Variants in TRIOBP observed in about 807,000 individuals in gnomAD.
TRIOBP encodes TRIO and F-actin-binding protein.
In TRIOBP, 169 loss-of-function variants were observed where a neutral mutation model predicts 238.8. That is an observed-to-expected ratio of 0.71 (90% CI 0.62 to 0.80). The LOEUF (loss-of-function observed/expected upper bound fraction) is 0.80. Among genes scored for constraint, TRIOBP ranks in the 30% least tolerant of loss-of-function variants. TRIOBP has a pLI of 0.00. For missense variants in TRIOBP, 2,838 were observed against 3,122.6 expected (o/e 0.91, Z 2.17); for synonymous variants, 1,150 against 1,274.4 (o/e 0.90, Z 2.08).
chr22:37,756,350 G>T (rs1277596395), intron 15 of TRIOBP, among the ~76,000 whole-genome samples: 1 of 152,208 alleles, frequency 6.6e-6, no homozygotes, highest in African/African-American at 2.4e-5. Context: ...CAGCTGAGGT[G>T]GGAGGATCAC....
At chr22:37,709,191 G>A (rs1274393074) in intron 3 of TRIOBP, among the ~76,000 whole-genome samples, 1 of 152,200 alleles carries the variant, frequency 6.6e-6, no homozygotes, top group Non-Finnish European at 1.5e-5. Flanking sequence ...CCTGACCCCA[G>A]CAGTGGCCTT....
chr22:37,759,040 C>T, intron 16 of TRIOBP, 114 bp from the exon 17 acceptor site: 4 of 886,716 alleles, frequency 4.5e-6, no homozygotes, highest in African/African-American at 1.7e-5. Context: ...CCTAAGCCTT[C>T]CAGGGACGCT....
intron 20 of TRIOBP, 27 bp downstream of exon 20, chr22:37,769,214 C>G (rs746657916): frequency 2.0e-5 from 32 of 1,591,786 alleles, no homozygotes; most frequent in Non-Finnish European, 2.7e-5. Context: ...GTTGGGGGGA[C>G]ACGGGTGGGT....
chr22:37,724,921 G>T lies in TRIOBP; in HGVS notation c.2365G>T (p.Asp789Tyr). 1 of 1,613,166 alleles carries T rather than the reference G, an allele frequency of 6.2e-7. No individual in the cohort carries two copies. Reference sequence around the variant, plus strand: ...CTCCTCTCCCAATAGAGCCACACGAGACAACCCCAGAACATCCTGTGCCCA... The same window carrying T: ...CTCCTCTCCCAATAGAGCCACACGATACAACCCCAGAACATCCTGTGCCCA... ...RTSSPNRATR[D>Y]NPRTSCAQRD... The change falls in exon 7 of 24, where the codon GAC (aspartate) becomes TAC (tyrosine). Residue 789 changes from aspartate (D) to tyrosine (Y), a missense_variant. Transcript: ENST00000644935.
chr22:37,760,497 G>A (rs1409912910), intron 17 of TRIOBP, among the ~76,000 whole-genome samples: 2 of 152,176 alleles, frequency 1.3e-5, no homozygotes, highest in Non-Finnish European at 2.9e-5. Flanking sequence ...CCAAGAGCAC[G>A]CATAATACAA....
chr22:37,706,528 C>T (rs886193988), intron 3 of TRIOBP, among the ~76,000 whole-genome samples: 9 of 152,084 alleles, frequency 5.9e-5, no homozygotes, highest in Admixed American at 3.3e-4. Flanking sequence ...CAATGGCTCC[C>T]GCCTGTGATC....
chr22:37,732,080 G>A (rs572881348), intron 7 of TRIOBP, among the ~76,000 whole-genome samples: 1 of 152,284 alleles, frequency 6.6e-6, no homozygotes, highest in South Asian at 2.1e-4. Flanking sequence ...CCAAAGACAT[G>A]GCTCCATTTG....
chr22:37,717,903 G>A (rs915021281), intron 6 of TRIOBP, among the ~76,000 whole-genome samples: 14 of 152,230 alleles, frequency 9.2e-5, no homozygotes, highest in Non-Finnish European at 1.8e-4. Context: ...GGCGCTCATC[G>A]GGGAGGCTCG....
At position 37,713,546 on chromosome 22, in the gene TRIOBP, T is replaced by G. The variant is rs565882231; in HGVS notation, c.456+135T>G. The G allele has an allele frequency of 2.2e-4, 255 of 1,181,778 alleles. 4 individuals carry two copies. The South Asian group carries it at 2.9e-3, about 14-fold the overall frequency. 73.2% of individuals were successfully genotyped at this position (1,181,778 alleles called of 1,614,324 possible). The stretch of plus-strand genomic sequence containing the variant: ...CGACGAGGTCCTCTGGACCATTAGC[T>G]GGCAGCTCGGGCCACCCCGGCGAAC... On this transcript the variant is annotated intron_variant, in intron 5 of 23. Transcript: ENST00000644935.
chr22:37,746,533 G>C, intron 11 of TRIOBP: 1 of 981,316 alleles, frequency 1.0e-6, no homozygotes, highest in Non-Finnish European at 1.3e-6. Flanking sequence ...CCGAAGGCGA[G>C]AGGAGGGCTG....
chr22:37,759,089 C>T, intron 16 of TRIOBP, 65 bp from the exon 17 acceptor site: 1 of 1,391,378 alleles, frequency 7.2e-7, no homozygotes, highest in Non-Finnish European at 1.0e-6. Context: ...CTGCGGGCTC[C>T]TCACTGCCTT....
chr22:37,738,021 G>T (rs1924755743), intron 9 of TRIOBP, among the ~76,000 whole-genome samples: 1 of 152,182 alleles, frequency 6.6e-6, no homozygotes, highest in Non-Finnish European at 1.5e-5. Flanking sequence ...CTCTAGCTCT[G>T]GCCCAGGGCC....
intron 7 of TRIOBP, among the ~76,000 whole-genome samples, chr22:37,726,899 T>G (rs1344448300): frequency 1.4e-5 from 2 of 143,258 alleles, no homozygotes; most frequent in African/African-American, 4.9e-5. Flanking sequence ...TGTCTTTTTA[T>G]TTTTTATTTT....
At chr22:37,766,531 C>A (rs892979418) in intron 18 of TRIOBP, among the ~76,000 whole-genome samples, 1 of 152,260 alleles carries the variant, frequency 6.6e-6, no homozygotes, top group Admixed American at 6.5e-5. Flanking sequence ...CCCCTTCCCC[C>A]TCAGCAGAGT....
intron 17 of TRIOBP, 110 bp downstream of exon 17, chr22:37,759,374 G>A (rs1347849968): frequency 2.3e-6 from 3 of 1,311,028 alleles, no homozygotes; most frequent in African/African-American, 1.5e-5. Context: ...TGGAACCTGT[G>A]TGGGGCATTT....
intron 4 of TRIOBP, among the ~76,000 whole-genome samples, chr22:37,712,036 G>T (rs899395907): frequency 6.6e-6 from 1 of 151,856 alleles, no homozygotes; most frequent in African/African-American, 2.4e-5. Context: ...TACTGAACTT[G>T]GGGTCAGTAG....
intron 6 of TRIOBP, among the ~76,000 whole-genome samples, chr22:37,722,035 G>A (rs1423753239): frequency 6.6e-6 from 1 of 152,138 alleles, no homozygotes; most frequent in Non-Finnish European, 1.5e-5. Flanking sequence ...TCACCAGACA[G>A]TTTTGTTAAA....
At chr22:37,709,728 C>T (rs1321691901) in intron 3 of TRIOBP, among the ~76,000 whole-genome samples, 5 of 152,216 alleles carry the variant, frequency 3.3e-5, no homozygotes, top group Non-Finnish European at 7.4e-5. Flanking sequence ...GTGAGCCCAG[C>T]ACCAGACCAG....
At chr22:37,710,773 C>T (rs1172772666) in intron 4 of TRIOBP, among the ~76,000 whole-genome samples, 3 of 152,176 alleles carry the variant, frequency 2.0e-5, no homozygotes, top group East Asian at 3.8e-4. Context: ...ACCCTGTTTG[C>T]ACTTCAGTGG....
Sources: gnomAD v4.1 joint callset for allele counts (sites outside exome capture counted in the v4.1 genomes callset) on GRCh38, gnomAD v4.1.1 for gene constraint, MANE v1.5 for transcripts, NCBI Gene and HGNC (gene_info 2026-07-23, HGNC 2026-07-21) for gene names.